The following ATPAF1 variants were observed in gnomAD, a reference collection of about 807,000 sequenced individuals.
ATPAF1 encodes ATP synthase mitochondrial F1 complex assembly factor 1, also known as homolog of yeast ATP11.
Under a neutral mutation model 43.9 loss-of-function variants are expected in ATPAF1, and 26 were observed. That is an observed-to-expected ratio of 0.59 (90% CI 0.43 to 0.82). ATPAF1 has a LOEUF of 0.82. Ranked by LOEUF, ATPAF1 falls within the 40% of genes least tolerant of loss-of-function variation. The pLI is 0.00. For missense variants in ATPAF1, 366 were observed against 435.0 expected (o/e 0.84, Z 1.41); for synonymous variants, 157 against 168.0 (o/e 0.93, Z 0.50).
rs911129797 is a variant in ATPAF1, at chr1:46,645,354, G to A, written c.589-98C>T. ...CATTCATTCCATTTCCTCCATATTT[G>A]GTTTTTAAAATATTTTTTTATTTTT... is the stretch of plus-strand genomic sequence containing the variant. On this transcript the variant is annotated intron_variant, in intron 6 of 8. Transcript: ENST00000574428. 5.8e-6 allele frequency: 6 copies of A among 1,030,896 alleles called. No individual in the cohort carries two copies. In the African/African-American group the frequency reaches 9.8e-5, roughly 17 times the overall value. 63.9% of individuals were successfully genotyped at this position (1,030,896 alleles called of 1,614,324 possible).
At chr1:46,645,184 A>G (rs1471574384) in exon 7 of ATPAF1, 3 of 1,613,678 alleles carry the variant, frequency 1.9e-6, no homozygotes, top group Admixed American at 3.3e-5. Flanking sequence ...AGTGCAGTGA[A>G]GTGGAGTTCA....
chr1:46,663,026 T>C (rs1171759379), intron 2 of ATPAF1, among the ~76,000 whole-genome samples: 1 of 152,052 alleles, frequency 6.6e-6, no homozygotes, highest in Non-Finnish European at 1.5e-5. Flanking sequence ...AGTGAGAACA[T>C]GCAGTGTTTG....
At chr1:46,643,928 G>C (rs1675992127) in intron 7 of ATPAF1, among the ~76,000 whole-genome samples, 1 of 152,130 alleles carries the variant, frequency 6.6e-6, no homozygotes, top group African/African-American at 2.4e-5. Context: ...CCCCTACATA[G>C]CACAGGTGGA....
chr1:46,637,891 C>T (rs1296712132), intron 8 of ATPAF1, among the ~76,000 whole-genome samples: 8 of 152,222 alleles, frequency 5.3e-5, no homozygotes, highest in South Asian at 2.1e-4. Context: ...GCCAAGGTCA[C>T]AGCCAGGACT....
intron 2 of ATPAF1, among the ~76,000 whole-genome samples, chr1:46,663,589 AAG>A (rs1203589347): frequency 6.6e-6 from 1 of 151,690 alleles, no homozygotes; most frequent in African/African-American, 2.4e-5. Context: ...TTCTTTTGAG[AAG>A]TGTCTGTTCG....
chr1:46,645,956 C>G (rs1285206972), intron 6 of ATPAF1, among the ~76,000 whole-genome samples: 2 of 152,192 alleles, frequency 1.3e-5, no homozygotes, highest in African/African-American at 4.8e-5. Flanking sequence ...CGGAGGATCA[C>G]TTGAGCTCAG....
chr1:46,638,329 G>T (rs1055468977), intron 8 of ATPAF1, among the ~76,000 whole-genome samples: 1 of 152,192 alleles, frequency 6.6e-6, no homozygotes, highest in Non-Finnish European at 1.5e-5. Context: ...ACTTTAAAAA[G>T]AAGTTTGGGC....
chr1:46,638,765 C>A (rs529794420), intron 8 of ATPAF1, among the ~76,000 whole-genome samples: 4 of 151,594 alleles, frequency 2.6e-5, no homozygotes, highest in Non-Finnish European at 5.9e-5. Flanking sequence ...GCCTTTTATT[C>A]TCTTGGCTTT....
chr1:46,648,309 G>T (rs1438000402), intron 6 of ATPAF1, among the ~76,000 whole-genome samples: 1 of 151,900 alleles, frequency 6.6e-6, no homozygotes, highest in Admixed American at 6.6e-5. Context: ...ATGGGTTTTC[G>T]CCATATTGGC....
intron 6 of ATPAF1, among the ~76,000 whole-genome samples, 175 bp from the exon 7 acceptor site, chr1:46,645,431 A>G (rs1276512706): frequency 1.3e-5 from 2 of 152,088 alleles, no homozygotes; most frequent in Non-Finnish European, 2.9e-5. Context: ...GCATGATCAC[A>G]GCTCACCGCA....
chr1:46,641,091 T>A (rs1675941637), intron 8 of ATPAF1, among the ~76,000 whole-genome samples: 1 of 152,120 alleles, frequency 6.6e-6, no homozygotes, highest in Non-Finnish European at 1.5e-5. Context: ...TTATTATTAT[T>A]TTTTTAGACA....
At chr1:46,652,542 C>A in intron 6 of ATPAF1, 39 bp downstream of exon 6, 1 of 1,592,918 alleles carries the variant, frequency 6.3e-7, no homozygotes, top group Non-Finnish European at 8.6e-7. Context: ...TGTTTGGCAA[C>A]ATTGATAAGC....
chr1:46,646,031 C>A (rs1569603600), intron 6 of ATPAF1, among the ~76,000 whole-genome samples: 1 of 152,212 alleles, frequency 6.6e-6, no homozygotes, highest in East Asian at 1.9e-4. Context: ...AAAAAAATAG[C>A]CAGGTGTGGT....
chr1:46,635,749 C>G, exon 9 of ATPAF1: 4 of 1,593,788 alleles, frequency 2.5e-6, no homozygotes, highest in Non-Finnish European at 3.4e-6. Context: ...GCTGAGTCAA[C>G]TAGGTGAAGG....
intron 8 of ATPAF1, among the ~76,000 whole-genome samples, chr1:46,637,432 C>T (rs1675864774): frequency 6.6e-6 from 1 of 152,112 alleles, no homozygotes; most frequent in South Asian, 2.1e-4. Flanking sequence ...ACGGGCTACA[C>T]TCTCAAACTT....
At position 46,635,833 on chromosome 1, in the gene ATPAF1, C is replaced by CA; in HGVS notation, c.929dup (p.Leu310PhefsTer18). On this transcript the variant is annotated frameshift_variant, in exon 9 of 9. Transcript: ENST00000574428. LOFTEE classifies it high-confidence loss of function. ...GTTCTGCTCCAAGTCCGCTTTGCTCCAATTCAGCGATGACAGACATATATT... is the reference window on the plus strand; with the variant it reads ...GTTCTGCTCCAAGTCCGCTTTGCTCCAAATTCAGCGATGACAGACATATATT... 6 of 1,614,194 alleles carry CA rather than the reference C, an allele frequency of 3.7e-6. No individual in the cohort carries two copies. Among genetic ancestry groups the CA allele is most frequent in the Non-Finnish European group, 4.2e-6 (5 of 1,180,026 alleles).
chr1:46,633,723 G>A (rs1161409234), downstream of ATPAF1: 1 of 456,030 alleles, frequency 2.2e-6, no homozygotes, highest in African/African-American at 2.0e-5. Context: ...AAATCCAGGA[G>A]GAATGATTAA....
chr1:46,652,198 A>C (rs1254078887), intron 6 of ATPAF1, among the ~76,000 whole-genome samples: 2 of 137,742 alleles, frequency 1.5e-5, no homozygotes, highest in Non-Finnish European at 3.0e-5. Flanking sequence ...AAAAATAATA[A>C]TAAAAGCAAA....
intron 2 of ATPAF1, among the ~76,000 whole-genome samples, chr1:46,661,724 T>A (rs1422849303): frequency 1.3e-5 from 2 of 152,008 alleles, no homozygotes. Flanking sequence ...GGGGAACCAA[T>A]AACTCAAAGT....
Sources: allele counts gnomAD v4.1 joint callset (sites outside exome capture counted in the v4.1 genomes callset), GRCh38; gene constraint gnomAD v4.1.1; transcripts MANE v1.5; gene names NCBI Gene and HGNC (gene_info 2026-07-23, HGNC 2026-07-21).